The following DHX8 variants were observed in gnomAD, a reference collection of about 807,000 sequenced individuals.
The protein encoded by DHX8 is ATP-dependent RNA helicase DHX8.
In DHX8, 67 loss-of-function variants were observed where a neutral mutation model predicts 140.7. That is an observed-to-expected ratio of 0.48 (90% CI 0.39 to 0.58). The LOEUF (loss-of-function observed/expected upper bound fraction) is 0.58, where lower values mean the gene tolerates loss of function less well. Ranked by LOEUF, DHX8 falls within the 20% of genes least tolerant of loss-of-function variation. The probability of loss-of-function intolerance (pLI) is 0.00; values close to 1 mark genes in which losing one functional copy is unlikely to be tolerated. For missense variants in DHX8, 887 were observed against 1,550.7 expected, an observed-to-expected ratio of 0.57 and a Z score of 7.19; for synonymous variants, 533 against 553.2, an observed-to-expected ratio of 0.96 and a Z score of 0.51.
chr17:43,494,496 C>T (rs548869216), intron 8 of DHX8, among the ~76,000 whole-genome samples: 1 of 151,958 alleles, frequency 6.6e-6, no homozygotes, highest in South Asian at 2.1e-4. Context: ...CTGAGGCGGG[C>T]GGGTCACGAG....
intron 8 of DHX8, among the ~76,000 whole-genome samples, chr17:43,494,533 G>A (rs537671601): frequency 1.1e-4 from 16 of 151,788 alleles, no homozygotes; most frequent in South Asian, 6.2e-4. Context: ...CAGCCTGACC[G>A]GTATGGTGAA....
At chr17:43,536,515 G>T in intron 3 of DHX8, 1 of 1,605,198 alleles carries the variant, frequency 6.2e-7, no homozygotes, top group Non-Finnish European at 8.5e-7. Flanking sequence ...TTGGGGCGGA[G>T]CCCTGGTTGT....
Position 43,524,421 on chromosome 17 carries a change from A to G in DHX8, c.*574A>G. On this transcript the variant is annotated 3_prime_UTR_variant, in exon 23 of 23. Transcript: ENST00000262415. ...TATCTGTGCTCTGGCACACATGATG[A>G]GAATCCCCTGAATCCCCTGAAACCA... 2.0e-6 allele frequency: 2 copies of G among 988,762 alleles called. No individual in the cohort carries two copies. Among genetic ancestry groups the G allele is most frequent in the Non-Finnish European group, 2.4e-6 (2 of 832,186 alleles). 61.2% of individuals were successfully genotyped at this position (988,762 alleles called of 1,614,324 possible). A position where few individuals can be genotyped will look rare whatever the true frequency, so the allele number is the denominator to read the frequency against.
chr17:43,510,033 TTTTGTTTG>T (rs72490644), intron 16 of DHX8, among the ~76,000 whole-genome samples: 31 of 151,226 alleles, frequency 2.0e-4, no homozygotes, highest in African/African-American at 4.6e-4. Context: ...ATTTACTGTT[TTTTGTTTG>T]TTTGTTTGTT....
At chr17:43,488,980 T>C (rs1396112364) in intron 1 of DHX8, among the ~76,000 whole-genome samples, 1 of 152,076 alleles carries the variant, frequency 6.6e-6, no homozygotes, top group Non-Finnish European at 1.5e-5. Flanking sequence ...GCAGTCTAGA[T>C]TTTCTCTCTT....
At chr17:43,489,366 C>A in intron 1 of DHX8, 83 bp from the exon 2 acceptor site, 1 of 917,970 alleles carries the variant, frequency 1.1e-6, no homozygotes, top group Non-Finnish European at 1.7e-6. Flanking sequence ...GTTGGATAAC[C>A]TAATTAGTTT....
intron 13 of DHX8, 125 bp downstream of exon 13, chr17:43,507,322 C>A: frequency 8.4e-7 from 1 of 1,184,066 alleles, no homozygotes; most frequent in Non-Finnish European, 1.2e-6. Context: ...AGAGGGTTCC[C>A]ATTGTCATAA....
intron 1 of DHX8, among the ~76,000 whole-genome samples, chr17:43,485,468 T>G (rs548993029): frequency 1.8e-4 from 28 of 152,330 alleles, no homozygotes; most frequent in African/African-American, 5.5e-4. Flanking sequence ...TTCTCTTGCC[T>G]CCCAGCCAAG....
At chr17:43,488,921 TCTTC>T (rs1349065712) in intron 1 of DHX8, among the ~76,000 whole-genome samples, 4 of 152,248 alleles carry the variant, frequency 2.6e-5, no homozygotes, top group Non-Finnish European at 5.9e-5. Context: ...TGTAGTAATA[TCTTC>T]CTTTCATTTG....
Position 43,522,241 on chromosome 17 carries a change from C to T in DHX8, c.3443+15C>T. On this transcript the variant is annotated intron_variant, in intron 22 of 22. Coordinates refer to ENST00000262415, the MANE Select transcript of DHX8 (RefSeq NM_004941.3). ...CAGCCAGAATGGTAGGTGGACATGT[C>T]CCAGGGTCTAGGGGCTTTTCTGGGC... 1.2e-6 allele frequency: 2 copies of T among 1,609,812 alleles called. No homozygotes were observed. Among genetic ancestry groups the T allele is most frequent in the East Asian group, 2.2e-5 (1 of 44,800 alleles).
At chr17:43,496,050 A>G in intron 8 of DHX8, 131 bp from the exon 9 acceptor site, 1 of 654,618 alleles carries the variant, frequency 1.5e-6, no homozygotes, top group Non-Finnish European at 2.6e-6. Flanking sequence ...GTGAGCTTTG[A>G]TCAGGTCACT....
chr17:43,510,631 T>A (rs1308172274), intron 16 of DHX8, among the ~76,000 whole-genome samples: 1 of 152,244 alleles, frequency 6.6e-6, no homozygotes, highest in Non-Finnish European at 1.5e-5. Flanking sequence ...ATATTTTTAA[T>A]CTGCTGTTGG....
chr17:43,527,760 AC>A (rs1386794239), downstream of DHX8: 4 of 211,194 alleles, frequency 1.9e-5, no homozygotes, highest in East Asian at 2.8e-4. Flanking sequence ...CTGGCCCCAA[AC>A]CAGTCAGCTC....
intron 3 of DHX8, among the ~76,000 whole-genome samples, chr17:43,541,732 G>C (rs1971533291): frequency 6.6e-6 from 1 of 152,118 alleles, no homozygotes; most frequent in Non-Finnish European, 1.5e-5. Flanking sequence ...GCTCCATTGT[G>C]TCACCGCTGT....
Position 43,499,041 on chromosome 17 carries a change from G to T in DHX8, c.1398+82G>T, listed in dbSNP as rs78314268. ...TAATGGGTCAGGTTATTAGATCTGC[G>T]TAAGTAGAACTTGGGCCACAGAAAG... On this transcript the variant is annotated intron_variant, in intron 10 of 22. Transcript: ENST00000262415. The T allele has an allele frequency of 6.7e-6, 7 of 1,038,602 alleles. No homozygotes were observed. The East Asian group carries it at 1.7e-4, about 25-fold the overall frequency. The allele number at this position is 1,038,602 out of a possible 1,614,324, so 64.3% of individuals were successfully genotyped here.
chr17:43,530,607 C>T (rs957226207), downstream of DHX8, among the ~76,000 whole-genome samples: 57 of 138,736 alleles, frequency 4.1e-4, no homozygotes, highest in African/African-American at 1.2e-3. Context: ...TGTGCACGCG[C>T]GCGTGTGTGT....
chr17:43,509,960 C>T (rs565076890), intron 16 of DHX8, among the ~76,000 whole-genome samples: 2 of 151,896 alleles, frequency 1.3e-5, no homozygotes, highest in Admixed American at 6.6e-5. Flanking sequence ...TGAGCCACTG[C>T]GCCCAGCCAA....
At position 43,500,114 on chromosome 17, in the gene DHX8, T is replaced by TGA; in HGVS notation, c.1546+12_1546+13insAG. 6.2e-7 allele frequency: 1 copy of TGA among 1,613,504 alleles called. No homozygotes were observed. The highest frequency in any genetic ancestry group is 8.5e-7 in the Non-Finnish European group (1 of 1,179,678). ...ACCCTCTGCCTGATGGTAGGACCCT[T>TGA]GGAGGGGTGTATGGACCTTGTTTAA... On this transcript the variant is annotated intron_variant, in intron 11 of 22. Coordinates refer to ENST00000262415, the MANE Select transcript of DHX8 (RefSeq NM_004941.3).
intron 16 of DHX8, 65 bp from the exon 17 acceptor site, chr17:43,513,297 G>T: frequency 1.3e-6 from 2 of 1,535,978 alleles, no homozygotes; most frequent in Non-Finnish European, 8.8e-7. Context: ...GGGTTCAGAA[G>T]ACCTTTTCAC....
Sources: allele counts gnomAD v4.1 joint callset (sites outside exome capture counted in the v4.1 genomes callset), GRCh38; gene constraint gnomAD v4.1.1; transcripts MANE v1.5; gene names NCBI Gene and HGNC (gene_info 2026-07-23, HGNC 2026-07-21).